The following GABRG3 variants were observed in gnomAD, a reference collection of about 807,000 sequenced individuals.
GABRG3 encodes the protein gamma-aminobutyric acid receptor subunit gamma-3.
GABRG3 carries 25 observed loss-of-function variants against 48.8 expected under a neutral mutation model. That is an observed-to-expected ratio of 0.51 (90% CI 0.37 to 0.72). The LOEUF is 0.72. GABRG3 is among the 30% of genes least tolerant of loss of function. The pLI is 0.00. For missense variants in GABRG3, 394 were observed against 577.9 expected, an observed-to-expected ratio of 0.68 and a Z score of 3.26; for synonymous variants, 227 against 217.6, an observed-to-expected ratio of 1.04 and a Z score of -0.38.
chr15:27,309,403 G>A (rs1208679194), intron 3 of GABRG3, among the ~76,000 whole-genome samples: 1 of 151,792 alleles, frequency 6.6e-6, no homozygotes. Context: ...TATTTGGAAA[G>A]GCAGAGGGAC....
At chr15:27,304,178 C>T (rs1012644824) in intron 3 of GABRG3, among the ~76,000 whole-genome samples, 1 of 151,764 alleles carries the variant, frequency 6.6e-6, no homozygotes. Context: ...GTGGCAAACT[C>T]AACATTCCTG....
At chr15:27,495,669 A>G (rs1352009742) in intron 6 of GABRG3, among the ~76,000 whole-genome samples, 1 of 152,144 alleles carries the variant, frequency 6.6e-6, no homozygotes, top group Non-Finnish European at 1.5e-5. Context: ...ATACATTTCA[A>G]TTTTAAAATT....
At chr15:27,307,141 C>CATA (rs1892596046) in intron 3 of GABRG3, among the ~76,000 whole-genome samples, 1 of 120,174 alleles carries the variant, frequency 8.3e-6, no homozygotes, top group African/African-American at 4.1e-5. Flanking sequence ...CATGTTTATA[C>CATA]ATATATAAAC....
chr15:27,167,912 C>T (rs1353483760), intron 3 of GABRG3, among the ~76,000 whole-genome samples: 1 of 152,160 alleles, frequency 6.6e-6, no homozygotes, highest in African/African-American at 2.4e-5. Flanking sequence ...TGTGCAGGAA[C>T]AGAGGCCCTG....
intron 3 of GABRG3, among the ~76,000 whole-genome samples, chr15:27,273,791 A>G (rs1354621744): frequency 1.3e-5 from 2 of 152,204 alleles, no homozygotes; most frequent in Non-Finnish European, 2.9e-5. Flanking sequence ...CACATTTCCC[A>G]GACTTTCTTA....
chr15:27,043,042 C>T (rs1896304918), intron 3 of GABRG3, among the ~76,000 whole-genome samples: 1 of 152,230 alleles, frequency 6.6e-6, no homozygotes, highest in Non-Finnish European at 1.5e-5. Flanking sequence ...CAATAACTGT[C>T]TTGTTCTATA....
intron 3 of GABRG3, among the ~76,000 whole-genome samples, chr15:27,254,021 G>A (rs530961799): frequency 6.2e-4 from 95 of 152,218 alleles, no homozygotes; most frequent in Non-Finnish European, 1.2e-3. Context: ...TCTCATGCTT[G>A]AAATTAATTG....
rs1008915800 is a variant in GABRG3, at chr15:27,401,275, G to A, written c.574+72387G>A. ...GGAAAAGTGTATTAGTAGGATTATC[G>A]TTTACATCAATGTGATTGGATTCCT... On this transcript the variant is annotated intron_variant, in intron 5 of 9. Coordinates refer to ENST00000615808, the MANE Select transcript of GABRG3 (RefSeq NM_033223.5). Among the ~76,000 whole-genome samples the A allele has an allele frequency of 5.9e-5, 9 of 152,168 alleles. No homozygotes were observed. In the South Asian group the frequency reaches 8.3e-4, roughly 14 times the overall value.
chr15:27,333,839 A>G (rs1893879223), intron 5 of GABRG3, among the ~76,000 whole-genome samples: 2 of 152,178 alleles, frequency 1.3e-5, no homozygotes, highest in South Asian at 2.1e-4. Flanking sequence ...TCCCCAGTGA[A>G]TTATGACAAA....
At chr15:27,310,318 A>G (rs1272499472) in intron 3 of GABRG3, among the ~76,000 whole-genome samples, 2 of 152,302 alleles carry the variant, frequency 1.3e-5, no homozygotes, top group African/African-American at 2.4e-5. Flanking sequence ...CATGCATGAT[A>G]CATCAATGGA....
At chr15:27,479,846 G>A (rs577333703) in intron 5 of GABRG3, among the ~76,000 whole-genome samples, 102 of 152,346 alleles carry the variant, frequency 6.7e-4, no homozygotes, top group African/African-American at 2.3e-3. Context: ...GAGAGCAGGT[G>A]CACCAGGTCA....
Position 27,250,646 on chromosome 15 carries a change from C to T in GABRG3, c.271-76163C>T, listed in dbSNP as rs555059322. On this transcript the variant is annotated intron_variant, in intron 3 of 9. Transcript: ENST00000615808. ...TTCACCATGTTGGCCAGGCTAGTCC[C>T]GAACTCCTGACCTCAAGTGATCCGC... Among the ~76,000 whole-genome samples, 2 of 152,300 alleles carry T rather than the reference C, an allele frequency of 1.3e-5. 1 individual carries two copies. The highest frequency in any genetic ancestry group is 4.1e-4 in the South Asian group (2 of 4,822).
intron 3 of GABRG3, among the ~76,000 whole-genome samples, chr15:27,243,141 A>G (rs1890177643): frequency 6.6e-6 from 1 of 152,180 alleles, no homozygotes; most frequent in Non-Finnish European, 1.5e-5. Flanking sequence ...TTCTGCCTCT[A>G]GTGATAAAGA....
chr15:27,248,803 C>CACACAGAGAGAG lies in GABRG3; in HGVS notation c.271-78005_271-78004insCACAGAGAGAGA, dbSNP rs1377080195. Among the ~76,000 whole-genome samples the CACACAGAGAGAG allele has an allele frequency of 3.3e-3, 367 of 110,158 alleles. 3 individuals are homozygous for CACACAGAGAGAG. Among genetic ancestry groups the CACACAGAGAGAG allele is most frequent in the African/African-American group, 0.014 (349 of 25,586 alleles). The allele number at this position is 110,158 out of a possible 152,430, so 72.3% of individuals were successfully genotyped here. ...ACACACACACACACACACACACACA[C>CACACAGAGAGAG]AGAGAGAGAGAGAGAGAGAGAGAGA... On this transcript the variant is annotated intron_variant, in intron 3 of 9. Coordinates refer to ENST00000615808, the MANE Select transcript of GABRG3 (RefSeq NM_033223.5).
rs553042686 is a variant in GABRG3 at position 27,417,055 on chromosome 15, G to A, written c.575-63595G>A. ...CTAGAGCAGTGGTTCTTAGCTGGAG[G>A]TGATATTACCATCCCAAAGAACATA... On this transcript the variant is annotated intron_variant, in intron 5 of 9. Coordinates refer to ENST00000615808, the MANE Select transcript of GABRG3 (RefSeq NM_033223.5). Among the ~76,000 whole-genome samples the A allele has an allele frequency of 2.0e-4, 31 of 152,314 alleles. 1 individual carries two copies. Among genetic ancestry groups the A allele is most frequent in the Non-Finnish European group, 1.3e-4 (9 of 68,028 alleles).
chr15:27,069,906 T>C (rs1469377827), intron 3 of GABRG3, among the ~76,000 whole-genome samples: 3 of 152,238 alleles, frequency 2.0e-5, no homozygotes, highest in Admixed American at 6.5e-5. Context: ...AACAGTACAT[T>C]GTGGAACAGT....
intron 3 of GABRG3, among the ~76,000 whole-genome samples, chr15:27,271,026 G>T (rs932860057): frequency 6.6e-6 from 1 of 152,184 alleles, no homozygotes; most frequent in Non-Finnish European, 1.5e-5. Flanking sequence ...AAGGTCCTGG[G>T]TGGTGAGGAT....
chr15:27,350,979 G>C (rs1353103701), intron 5 of GABRG3, among the ~76,000 whole-genome samples: 1 of 151,374 alleles, frequency 6.6e-6, no homozygotes, highest in South Asian at 2.1e-4. Flanking sequence ...GTTTGTGTGT[G>C]TATGGTGTGT....
rs1460390194 is a variant in GABRG3 at position 27,536,947 on chromosome 15, TTTGAGAC to T, written c.*4071_*4077del. The T allele has an allele frequency of 6.6e-6, 1 of 152,172 alleles. No homozygotes were observed. The highest frequency in any genetic ancestry group is 1.5e-5 in the Non-Finnish European group (1 of 68,030). 9.4% of individuals were successfully genotyped at this position (152,172 alleles called of 1,614,324 possible). A position where few individuals can be genotyped will look rare whatever the true frequency, so the allele number is the denominator to read the frequency against. ...AAAATGGAAATTTTCTGTGATTTCC[TTTGAGAC>T]TTGAAGAATTACACCTGGTCTCCAA... On this transcript the variant is annotated 3_prime_UTR_variant, in exon 10 of 10. Transcript: ENST00000615808.
Sources: gnomAD v4.1 joint callset for allele counts (sites outside exome capture counted in the v4.1 genomes callset) on GRCh38, gnomAD v4.1.1 for gene constraint, MANE v1.5 for transcripts, NCBI Gene and HGNC (gene_info 2026-07-23, HGNC 2026-07-21) for gene names.